Variants in DMD observed in about 807,000 individuals in gnomAD.
DMD encodes the protein dystrophin.
Under a neutral mutation model 330.1 loss-of-function variants are expected in DMD, and 63 were observed. The ratio of observed to expected loss-of-function variants is 0.19; its 90% CI spans 0.16 to 0.24. The LOEUF (loss-of-function observed/expected upper bound fraction) is 0.24, where lower values mean the gene tolerates loss of function less well. DMD is among the 10% of genes least tolerant of loss of function. The pLI is 1.00. For missense variants in DMD, 3,344 were observed against 2,684.1 expected, an observed-to-expected ratio of 1.25 and a Z score of -5.43; for synonymous variants, 1,223 against 959.8, an observed-to-expected ratio of 1.27 and a Z score of -5.07.
upstream of DMD, among the ~76,000 whole-genome samples, chrX:33,215,741 G>T (rs2052041591): frequency 8.9e-6 from 1 of 111,753 alleles, no homozygotes; most frequent in Non-Finnish European, 1.9e-5. Flanking sequence ...TTCTGCATGT[G>T]GCCAGCCAGT....
At chrX:31,568,916 G>GT (rs2075609623) in intron 55 of DMD, among the ~76,000 whole-genome samples, 1 of 110,451 alleles carries the variant, frequency 9.1e-6, no homozygotes, top group Non-Finnish European at 1.9e-5. Flanking sequence ...TTTTCTTAAC[G>GT]TATCACTTTG....
At chrX:32,627,148 G>A (rs867313514) in intron 11 of DMD, among the ~76,000 whole-genome samples, 2 of 32,889 alleles carry the variant, frequency 6.1e-5, no homozygotes, top group East Asian at 1.0e-3. Flanking sequence ...CCTCTTCCCC[G>A]CCCCCCCCCC....
At chrX:32,498,161 G>A (rs1305438588) in intron 19 of DMD, among the ~76,000 whole-genome samples, 1 of 110,965 alleles carries the variant, frequency 9.0e-6, no homozygotes, top group Non-Finnish European at 1.9e-5. Context: ...ACAGTTTCCT[G>A]AGACCAGGGT....
intron 12 of DMD, among the ~76,000 whole-genome samples, chrX:32,600,578 ACACACACAAACACGCACACG>A (rs1435833027): frequency 1.3e-5 from 1 of 78,843 alleles, no homozygotes; most frequent in African/African-American, 6.7e-5. Flanking sequence ...TGCAGGTCAC[ACACACACAAACACGCACACG>A]CACACACACA....
chrX:31,378,224 T>C lies in DMD; in HGVS notation c.9085-29590A>G, dbSNP rs751400859. ...GACCTCCCTTGGGAGATCTATCCCC[T>C]GTCCTCCTGCTCCTTGCTCTGTGAG... On this transcript the variant is annotated intron_variant, in intron 60 of 78. Transcript: ENST00000357033. Among the ~76,000 whole-genome samples, 315 of 111,804 alleles carry C rather than the reference T, an allele frequency of 2.8e-3. 1 individual carries two copies. The highest frequency in any genetic ancestry group is 2.1e-3 in the Non-Finnish European group (114 of 53,177).
chrX:32,809,919 C>CAAA (rs55898363), intron 6 of DMD, among the ~76,000 whole-genome samples: 498 of 28,455 alleles, frequency 0.018, 1 homozygote, highest in Non-Finnish European at 0.022. Flanking sequence ...TTGTTTCTAC[C>CAAA]AAAAAAAAAA....
At chrX:31,244,147 C>G (rs2048608456) in intron 63 of DMD, among the ~76,000 whole-genome samples, 1 of 111,955 alleles carries the variant, frequency 8.9e-6, no homozygotes, top group South Asian at 3.7e-4. Context: ...AGAAACCCAT[C>G]ATAAAGTTGA....
In DMD at chrX:32,827,056, A is replaced by ACCCC. The variant is rs1174768674; in HGVS notation, c.265-3673_265-3670dup. Among the ~76,000 whole-genome samples the ACCCC allele has an allele frequency of 8.5e-4, 51 of 59,842 alleles. 5 individuals carry two copies. Among genetic ancestry groups the ACCCC allele is most frequent in the African/African-American group, 3.9e-3 (49 of 12,493 alleles). The allele number at this position is 59,842 out of a possible 115,157, so 52.0% of individuals were successfully genotyped here. A position where few individuals can be genotyped will look rare whatever the true frequency, so the allele number is the denominator to read the frequency against. ...AATAAGTCATTGGAACACACATCGC[A>ACCCC]CCCCCCCCCCACACACACACACACA... On this transcript the variant is annotated intron_variant, in intron 4 of 78. Coordinates refer to ENST00000357033, the MANE Select transcript of DMD (RefSeq NM_004006.3).
At chrX:32,497,913 C>T (rs768875487) in intron 19 of DMD, among the ~76,000 whole-genome samples, 5 of 111,484 alleles carry the variant, frequency 4.5e-5, no homozygotes, top group Non-Finnish European at 7.5e-5. Context: ...ATTATTAAAG[C>T]ATTAGAAAGA....
intron 43 of DMD, among the ~76,000 whole-genome samples, chrX:32,281,756 ATAT>A (rs2097421512): frequency 8.9e-6 from 1 of 112,256 alleles, no homozygotes; most frequent in East Asian, 2.8e-4. Context: ...ATTTTATGAA[ATAT>A]TATTAATAAG....
intron 2 of DMD, among the ~76,000 whole-genome samples, chrX:32,929,622 T>A (rs920801161): frequency 9.0e-6 from 1 of 111,321 alleles, no homozygotes; most frequent in African/African-American, 3.3e-5. Context: ...TGCAGGTTTG[T>A]TACATAGGTA....
chrX:31,494,202 G>A (rs1352550749), intron 57 of DMD, among the ~76,000 whole-genome samples: 1 of 108,899 alleles, frequency 9.2e-6, no homozygotes, highest in African/African-American at 3.3e-5. Context: ...CTTGGTAGTG[G>A]AAGGCTGAAG....
intron 56 of DMD, among the ~76,000 whole-genome samples, chrX:31,499,692 C>T (rs2070246389): frequency 9.0e-6 from 1 of 110,893 alleles, no homozygotes; most frequent in African/African-American, 3.3e-5. Context: ...GGGGTTTCGC[C>T]ATGCTGGCCA....
intron 67 of DMD, among the ~76,000 whole-genome samples, chrX:31,195,305 A>G (rs1256598451): frequency 1.8e-5 from 2 of 111,715 alleles, no homozygotes; most frequent in East Asian, 5.6e-4. Context: ...CACCTGACTA[A>G]TAAACCAATT....
intron 9 of DMD, among the ~76,000 whole-genome samples, chrX:32,692,304 T>A (rs1161295629): frequency 8.9e-6 from 1 of 112,237 alleles, no homozygotes; most frequent in Non-Finnish European, 1.9e-5. Flanking sequence ...TTTATAGAGT[T>A]GAGCTAAAAC....
intron 1 of DMD, among the ~76,000 whole-genome samples, chrX:33,148,187 C>G (rs1335404767): frequency 8.9e-6 from 1 of 112,377 alleles, no homozygotes; most frequent in Non-Finnish European, 1.9e-5. Flanking sequence ...ATAACCAGTA[C>G]TGCTCAAGAA....
intron 4 of DMD, among the ~76,000 whole-genome samples, chrX:32,836,860 G>A (rs911193684): frequency 1.8e-5 from 2 of 112,100 alleles, no homozygotes; most frequent in Non-Finnish European, 3.8e-5. Context: ...TATATTGCCC[G>A]TTTATAATTT....
At position 32,824,840 on chromosome X, in the gene DMD, G is replaced by A. The variant is rs146558513; in HGVS notation, c.265-1453C>T. Among the ~76,000 whole-genome samples the A allele has an allele frequency of 9.9e-3, 1,111 of 111,680 alleles. 7 individuals carry two copies. The highest frequency in any genetic ancestry group is 0.039 in the East Asian group (138 of 3,517). On this transcript the variant is annotated intron_variant, in intron 4 of 78. Transcript: ENST00000357033. ...ATGTTGACATCTTGGTCATGATATC[G>A]TATTTTAGTTTTATAAGATGTTACT...
At chrX:32,828,740 C>T (rs776831721) in intron 4 of DMD, among the ~76,000 whole-genome samples, 2 of 110,472 alleles carry the variant, frequency 1.8e-5, no homozygotes, top group African/African-American at 6.6e-5. Context: ...TTTAGAATTA[C>T]ATATTTTAAC....
Sources: allele counts gnomAD v4.1 joint callset (sites outside exome capture counted in the v4.1 genomes callset), GRCh38; gene constraint gnomAD v4.1.1; transcripts MANE v1.5; gene names NCBI Gene and HGNC (gene_info 2026-07-23, HGNC 2026-07-21).